The following GLIS1 variants were observed in gnomAD, a reference collection of about 807,000 sequenced individuals.
GLIS1 encodes the protein GLIS family zinc finger 1.
Under a neutral mutation model 63.8 loss-of-function variants are expected in GLIS1, and 24 were observed. The observed-to-expected ratio is 0.38, with a 90% CI of 0.27 to 0.53. GLIS1 has a LOEUF of 0.53. Among genes scored for constraint, GLIS1 ranks in the 20% least tolerant of loss-of-function variants. The pLI, the probability that GLIS1 is intolerant of heterozygous loss-of-function variation, is 0.85. For missense variants in GLIS1, 1,036 were observed against 1,074.1 expected, an observed-to-expected ratio of 0.96 and a Z score of 0.50; for synonymous variants, 450 against 482.5, an observed-to-expected ratio of 0.93 and a Z score of 0.88.
At chr1:53,552,330 G>A (rs1229631450) in intron 4 of GLIS1, among the ~76,000 whole-genome samples, 2 of 151,936 alleles carry the variant, frequency 1.3e-5, no homozygotes, top group Non-Finnish European at 2.9e-5. Context: ...CGCTGCTCCT[G>A]TGCCTGGGCC....
intron 6 of GLIS1, among the ~76,000 whole-genome samples, chr1:53,521,944 T>C (rs1644413738): frequency 1.3e-5 from 2 of 152,086 alleles, no homozygotes; most frequent in South Asian, 4.1e-4. Context: ...CCAGAGAGGG[T>C]GAGAGCCCTG....
intron 4 of GLIS1, among the ~76,000 whole-genome samples, chr1:53,570,489 AAC>A: frequency 6.6e-6 from 1 of 152,296 alleles, no homozygotes; most frequent in East Asian, 1.9e-4. Flanking sequence ...AAAGCCAAGG[AAC>A]ACTAAAACAA....
intron 4 of GLIS1, among the ~76,000 whole-genome samples, chr1:53,549,632 T>C (rs903334129): frequency 6.6e-6 from 1 of 152,262 alleles, no homozygotes; most frequent in African/African-American, 2.4e-5. Context: ...TTTTTCATTA[T>C]TAAGTTGAAA....
chr1:53,555,107 C>A (rs1249636975), intron 4 of GLIS1, among the ~76,000 whole-genome samples: 1 of 152,196 alleles, frequency 6.6e-6, no homozygotes, highest in African/African-American at 2.4e-5. Context: ...AGACGGGTAA[C>A]CCATCTCCCC....
chr1:53,729,798 A>C (rs2100570536), intron 2 of GLIS1, among the ~76,000 whole-genome samples: 1 of 152,364 alleles, frequency 6.6e-6, no homozygotes, highest in South Asian at 2.1e-4. Flanking sequence ...ATTATAGGAA[A>C]AAAGAATTGA....
At chr1:53,691,610 G>T (rs72660653) in intron 2 of GLIS1, among the ~76,000 whole-genome samples, 1 of 151,466 alleles carries the variant, frequency 6.6e-6, no homozygotes, top group African/African-American at 2.4e-5. Flanking sequence ...CCCAACAACC[G>T]CCTCGCCTGG....
At chr1:53,533,563 T>G (rs1160569827) in intron 4 of GLIS1, among the ~76,000 whole-genome samples, 1 of 152,200 alleles carries the variant, frequency 6.6e-6, no homozygotes, top group African/African-American at 2.4e-5. Flanking sequence ...TGGGATGCCC[T>G]GATGAGAGTG....
In GLIS1 at chr1:53,616,867, G is replaced by A. The variant is rs1299790170; in HGVS notation, c.260-16589C>T. Among the ~76,000 whole-genome samples the A allele has an allele frequency of 2.0e-5, 3 of 152,224 alleles. No individual in the cohort carries two copies. In the East Asian group the frequency reaches 5.8e-4, roughly 29 times the overall value. The stretch of plus-strand genomic sequence containing the variant: ...AAAAGATTATTTGTTCCACCATGTG[G>A]CCAGAAATAGGGAAAGGGCTACTGG... On this transcript the variant is annotated intron_variant, in intron 2 of 10. Coordinates refer to ENST00000628545, the MANE Select transcript of GLIS1 (RefSeq NM_001367484.1).
chr1:53,737,950 T>G lies in GLIS1; in HGVS notation c.115A>C (p.Thr39Pro), dbSNP rs1276843147. 8.1e-7 allele frequency: 1 copy of G among 1,230,048 alleles called. No homozygotes were observed. Among genetic ancestry groups the G allele is most frequent in the Non-Finnish European group, 1.0e-6 (1 of 986,924 alleles). 76.2% of individuals were successfully genotyped at this position (1,230,048 alleles called of 1,614,324 possible). The change falls in exon 2 of 11, where the codon ACC becomes CCC. Residue 39 changes from threonine (T) to proline (P), a missense_variant. By Grantham distance (38) the Thr-to-Pro change is conservative. Coordinates refer to ENST00000628545, the MANE Select transcript of GLIS1 (RefSeq NM_001367484.1). ...SLGAHMAFRV[T>P]VSGGGCGDRG... is the part of the protein sequence containing the mutation. ...TCCCCGCAGCCGCCGCCACTCACGG[T>G]GACCCTGAAGGCCATGTGCGCGCCG...
At chr1:53,546,269 G>A (rs551061547) in intron 4 of GLIS1, among the ~76,000 whole-genome samples, 3 of 152,246 alleles carry the variant, frequency 2.0e-5, no homozygotes, top group East Asian at 1.9e-4. Context: ...GCAAGCCCAC[G>A]CCACAAACCT....
intron 2 of GLIS1, among the ~76,000 whole-genome samples, chr1:53,652,634 C>T (rs538173488): frequency 6.6e-6 from 1 of 152,280 alleles, no homozygotes; most frequent in South Asian, 2.1e-4. Flanking sequence ...CAGACCACAA[C>T]TCAGTGAAGG....
chr1:53,531,061 C>T, intron 4 of GLIS1, among the ~76,000 whole-genome samples: 1 of 152,248 alleles, frequency 6.6e-6, no homozygotes, highest in East Asian at 1.9e-4. Flanking sequence ...CCCAAGGTCA[C>T]AGGGCTGTGA....
At chr1:53,686,823 C>T (rs114710719) in intron 2 of GLIS1, among the ~76,000 whole-genome samples, 1,713 of 141,504 alleles carry the variant, frequency 0.012, 26 homozygotes, top group African/African-American at 0.043. Context: ...TGAACGGTGG[C>T]GGGGGTGGGG....
intron 4 of GLIS1, among the ~76,000 whole-genome samples, chr1:53,586,199 A>G (rs979680099): frequency 1.3e-5 from 2 of 152,196 alleles, no homozygotes; most frequent in African/African-American, 2.4e-5. Flanking sequence ...TTTCCAAAAC[A>G]GGGGAGGAAG....
intron 6 of GLIS1, among the ~76,000 whole-genome samples, chr1:53,522,979 T>C (rs1164590301): frequency 3.9e-5 from 1 of 25,828 alleles, no homozygotes; most frequent in Non-Finnish European, 6.4e-5. Context: ...TTTCTTTTCT[T>C]TTCTTTCTTT....
chr1:53,582,306 A>G (rs1292248683), intron 4 of GLIS1, among the ~76,000 whole-genome samples: 2 of 152,216 alleles, frequency 1.3e-5, no homozygotes, highest in Non-Finnish European at 1.5e-5. Context: ...TAACACCCAC[A>G]GCAATCAGTC....
chr1:53,551,708 C>T (rs1433060595), intron 4 of GLIS1, among the ~76,000 whole-genome samples: 1 of 152,068 alleles, frequency 6.6e-6, no homozygotes, highest in Non-Finnish European at 1.5e-5. Flanking sequence ...TGTAGTCTAG[C>T]CTGCTCCCAC....
At chr1:53,527,301 G>A (rs536210761) in intron 5 of GLIS1, among the ~76,000 whole-genome samples, 87 of 152,328 alleles carry the variant, frequency 5.7e-4, no homozygotes, top group African/African-American at 2.0e-3. Flanking sequence ...ATTCGAGTCC[G>A]CTCAGGGGAT....
At chr1:53,685,642 G>A (rs1479558815) in intron 2 of GLIS1, among the ~76,000 whole-genome samples, 1 of 152,138 alleles carries the variant, frequency 6.6e-6, no homozygotes, top group African/African-American at 2.4e-5. Context: ...TATTTCCTGA[G>A]ACAACTGTCA....
Sources: allele counts gnomAD v4.1 joint callset (sites outside exome capture counted in the v4.1 genomes callset), GRCh38; gene constraint gnomAD v4.1.1; transcripts MANE v1.5; gene names NCBI Gene and HGNC (gene_info 2026-07-23, HGNC 2026-07-21).